The following EXOC7 variants were observed in gnomAD, a reference collection of about 807,000 sequenced individuals.
EXOC7 encodes exocyst complex component 7.
A neutral mutation model predicts 87.6 loss-of-function variants in EXOC7; 51 were observed. The observed-to-expected ratio is 0.58, with a 90% CI of 0.46 to 0.73. The LOEUF (loss-of-function observed/expected upper bound fraction) is 0.73. Ranked by LOEUF, EXOC7 falls within the 30% of genes least tolerant of loss-of-function variation. The probability of loss-of-function intolerance (pLI) is 0.00; values close to 1 mark genes in which losing one functional copy is unlikely to be tolerated. For synonymous variants in EXOC7, 327 were observed against 357.1 expected, an observed-to-expected ratio of 0.92 and a Z score of 0.95; for missense variants, 744 against 888.4, an observed-to-expected ratio of 0.84 and a Z score of 2.07.
At chr17:76,099,827 A>G (rs1407798693) in intron 4 of EXOC7, among the ~76,000 whole-genome samples, 1 of 152,234 alleles carries the variant, frequency 6.6e-6, no homozygotes, top group African/African-American at 2.4e-5. Context: ...AGGCAGGTAC[A>G]GTGGGTAATG....
chr17:76,084,558 T>A lies in EXOC7; in HGVS notation c.1735A>T (p.Ile579Phe), dbSNP rs775392515. The A allele has an allele frequency of 6.2e-7, 1 of 1,613,954 alleles. No homozygotes were observed. Among genetic ancestry groups the A allele is most frequent in the African/African-American group, 1.3e-5 (1 of 75,060 alleles). The change falls in exon 16 of 19, where the codon ATC (isoleucine) becomes TTC (phenylalanine). Residue 579 changes from isoleucine (I) to phenylalanine (F), a missense_variant. Physicochemically the swap from Ile to Phe is conservative, Grantham distance 21 (BLOSUM62 0). Around this residue, in one of 3 missense-constraint regions of EXOC7, gnomAD observed 228 missense variants for 298.6 expected, o/e 0.76. Transcript: ENST00000589210. ...QRSWLKVTDY[I>F]AEKNLPVFQP... ...AACACAGGTAGATTCTTCTCTGCGA[T>A]GTAATCAGTCACCTTTAACCAGCTG...
At chr17:76,099,502 C>T (rs1046157041) in intron 4 of EXOC7, among the ~76,000 whole-genome samples, 7 of 151,900 alleles carry the variant, frequency 4.6e-5, no homozygotes, top group African/African-American at 1.5e-4. Context: ...AGCATAACTC[C>T]GTCTCAAAAA....
intron 7 of EXOC7, 87 bp downstream of exon 7, chr17:76,091,056 G>T: frequency 8.4e-7 from 1 of 1,189,654 alleles, no homozygotes; most frequent in Non-Finnish European, 1.3e-6. Flanking sequence ...TTTCTCCCGA[G>T]GCCCTCCTGG....
chr17:76,091,139 T>C lies in EXOC7; in HGVS notation c.901+4A>G. The C allele has an allele frequency of 6.2e-7, 1 of 1,612,124 alleles. No homozygotes were observed. Among genetic ancestry groups the C allele is most frequent in the Non-Finnish European group, 8.5e-7 (1 of 1,178,194 alleles). On this transcript the variant is annotated splice_donor_region_variant and intron_variant, in intron 7 of 18. Transcript: ENST00000589210. ...GGGACAGGAGGGGAACACAGGGTGA[T>C]TACCTTCCAGAGGAATGAGGTTAGA...
intron 12 of EXOC7, among the ~76,000 whole-genome samples, chr17:76,087,090 A>G (rs903507567): frequency 6.6e-6 from 1 of 152,224 alleles, no homozygotes; most frequent in African/African-American, 2.4e-5. Flanking sequence ...CCTGGAAAGT[A>G]GAGAGCTGAG....
chr17:76,088,895 CCTT>C lies in EXOC7; in HGVS notation c.1073_1075del (p.Glu358del). 1 of 1,613,470 alleles carries C rather than the reference CCTT, an allele frequency of 6.2e-7. No homozygotes were observed. Among genetic ancestry groups the C allele is most frequent in the Non-Finnish European group, 8.5e-7 (1 of 1,179,986 alleles). Reference sequence around the variant, plus strand: ...CCGGGCAGCAGACACGATGTTCTCCCCTTCAAGCATCAGCCCATCCAGGGCATC... The same window carrying C: ...CCGGGCAGCAGACACGATGTTCTCCCCAAGCATCAGCCCATCCAGGGCATC... On this transcript the variant is annotated inframe_deletion, in exon 9 of 19. Transcript: ENST00000589210.
Position 76,098,068 on chromosome 17 carries a change from C to T in EXOC7, c.418-50G>A, listed in dbSNP as rs745531322. 25 of 1,525,878 alleles carry T rather than the reference C, an allele frequency of 1.6e-5. No individual in the cohort carries two copies. The Admixed American group carries it at 2.9e-4, about 18-fold the overall frequency. The allele number at this position is 1,525,878 out of a possible 1,614,324, so 94.5% of individuals were successfully genotyped here. On this transcript the variant is annotated intron_variant, in intron 4 of 18. Transcript: ENST00000589210. ...GGTGCCTGCTGCTTCAGTGTTCTGC[C>T]AGTCCTGGCCTTCCCCTGCCTGTGC...
At chr17:76,099,739 T>G (rs2067964581) in intron 4 of EXOC7, among the ~76,000 whole-genome samples, 1 of 152,208 alleles carries the variant, frequency 6.6e-6, no homozygotes, top group African/African-American at 2.4e-5. Flanking sequence ...AAAATAGATT[T>G]GTGATTTCCA....
Position 76,088,197 on chromosome 17 carries a change from G to A in EXOC7, c.1300-75C>T, listed in dbSNP as rs186185846. ...ATGCCCCAGTGCACCTGCTCATGGTGCCGCCTCCTGGCAGACGGGTGCTAG... is the reference window on the plus strand; with the variant it reads ...ATGCCCCAGTGCACCTGCTCATGGTACCGCCTCCTGGCAGACGGGTGCTAG... On this transcript the variant is annotated intron_variant, in intron 10 of 18. Coordinates refer to ENST00000589210, the MANE Select transcript of EXOC7 (RefSeq NM_001013839.4). 1,664 of 1,478,618 alleles carry A rather than the reference G, an allele frequency of 1.1e-3. 6 individuals carry two copies. The highest frequency in any genetic ancestry group is 1.2e-3 in the Non-Finnish European group (1,291 of 1,065,494). The allele number at this position is 1,478,618 out of a possible 1,614,324, so 91.6% of individuals were successfully genotyped here.
intron 14 of EXOC7, 50 bp from the exon 15 acceptor site, chr17:76,085,459 G>A (rs1020583030): frequency 1.7e-5 from 26 of 1,558,432 alleles, no homozygotes; most frequent in Non-Finnish European, 2.0e-5. Context: ...TGGCTCCTCA[G>A]GCCCAAAGGC....
chr17:76,101,715 T>C lies in EXOC7; in HGVS notation c.275A>G (p.His92Arg). Reference protein sequence around the residue: ...SCLDHVISYYHVASDTEKIIR... With the variant: ...SCLDHVISYYRVASDTEKIIR... ...GATCTTCTCAGTGTCACTGGCCACA[T>C]GGTAGTAGCTGATGACATGGTCCAG... Residue 92 changes from histidine (H) to arginine (R), a missense_variant, in exon 3 of 19, where the codon CAT (histidine) becomes CGT (arginine). By Grantham distance (29) the His-to-Arg change is conservative. Transcript: ENST00000589210. 2 of 1,613,952 alleles carry C rather than the reference T, an allele frequency of 1.2e-6. No individual in the cohort carries two copies. The highest frequency in any genetic ancestry group is 1.7e-6 in the Non-Finnish European group (2 of 1,179,960).
chr17:76,091,481 G>C (rs569963266), intron 6 of EXOC7: 21 of 513,774 alleles, frequency 4.1e-5, no homozygotes, highest in Non-Finnish European at 6.3e-5. Context: ...ATTTCTGAAA[G>C]GACAGAGGGT....
rs1269422927 is a variant in EXOC7 at position 76,081,473 on chromosome 17, G to A, written c.*2175C>T. The A allele has an allele frequency of 1.9e-6, 3 of 1,610,556 alleles. No individual in the cohort carries two copies. Among genetic ancestry groups the A allele is most frequent in the African/African-American group, 1.3e-5 (1 of 74,906 alleles). ...GTGGGAGTGAGGATGCACGGCCAGA[G>A]GCCAGGCCCCATGCCCCCGATGCCC... On this transcript the variant is annotated 3_prime_UTR_variant, in exon 19 of 19. Coordinates refer to ENST00000589210, the MANE Select transcript of EXOC7 (RefSeq NM_001013839.4).
At chr17:76,098,402 C>G (rs934848440) in intron 4 of EXOC7, among the ~76,000 whole-genome samples, 2 of 151,774 alleles carry the variant, frequency 1.3e-5, no homozygotes, top group Admixed American at 1.3e-4. Context: ...TCCCAAAGTG[C>G]TGGGATTACA....
chr17:76,088,996 T>C (rs2067345739), intron 8 of EXOC7, 73 bp from the exon 9 acceptor site: 2 of 1,521,690 alleles, frequency 1.3e-6, no homozygotes, highest in Non-Finnish European at 1.8e-6. Flanking sequence ...GGGGGATCCT[T>C]GCAGTATGTA....
rs747297191 is a variant in EXOC7, at chr17:76,086,079, C to G, written c.1495+1G>C. On this transcript the variant is annotated splice_donor_variant, in intron 13 of 18. Coordinates refer to ENST00000589210, the MANE Select transcript of EXOC7 (RefSeq NM_001013839.4). LOFTEE classifies it high-confidence loss of function. ...GCTGGTCTGCCCGGGAGAACACTCA[C>G]AGATATAGGTGCTTAGCAGCCGCTT... 6.2e-7 allele frequency: 1 copy of G among 1,613,678 alleles called. No individual in the cohort carries two copies. Among genetic ancestry groups the G allele is most frequent in the South Asian group, 1.1e-5 (1 of 91,068 alleles).
In EXOC7 at chr17:76,084,542, AGATTCTTCTCTGC is replaced by A; in HGVS notation, c.1738_1750del (p.Ala580TyrfsTer92). 6.2e-7 allele frequency: 1 copy of A among 1,613,992 alleles called. No homozygotes were observed. The highest frequency in any genetic ancestry group is 8.5e-7 in the Non-Finnish European group (1 of 1,180,028). ...CTTGACTCCCGGCTGGAACACAGGT[AGATTCTTCTCTGC>A]GATGTAATCAGTCACCTTTAACCAG... On this transcript the variant is annotated frameshift_variant, in exon 16 of 19. Coordinates refer to ENST00000589210, the MANE Select transcript of EXOC7 (RefSeq NM_001013839.4). LOFTEE classifies it high-confidence loss of function.
chr17:76,091,465 C>A, intron 6 of EXOC7: 1 of 538,284 alleles, frequency 1.9e-6, no homozygotes, highest in South Asian at 2.2e-5. Flanking sequence ...TTCTGGATTT[C>A]AGCTCATTTC....
intron 5 of EXOC7, among the ~76,000 whole-genome samples, chr17:76,096,045 G>T (rs1021297903): frequency 6.6e-6 from 1 of 152,120 alleles, no homozygotes; most frequent in Non-Finnish European, 1.5e-5. Context: ...TGATCCTAAG[G>T]AGCTCCTGAA....
Sources: gnomAD v4.1 joint callset for allele counts (sites outside exome capture counted in the v4.1 genomes callset) on GRCh38, gnomAD v4.1.1 for gene constraint, gnomAD v4.1.1 regional missense constraint, MANE v1.5 for transcripts, NCBI Gene and HGNC (gene_info 2026-07-23, HGNC 2026-07-21) for gene names.